Variants in SGK1 observed in about 807,000 individuals in gnomAD.
The protein encoded by SGK1 is serine/threonine-protein kinase Sgk1.
A neutral mutation model predicts 64.2 loss-of-function variants in SGK1; 26 were observed. The observed-to-expected ratio is 0.40, with a 90% CI of 0.30 to 0.56. The LOEUF (loss-of-function observed/expected upper bound fraction) is 0.56. Ranked by LOEUF, SGK1 falls within the 20% of genes least tolerant of loss-of-function variation. The pLI is 0.38. For synonymous variants in SGK1, 265 were observed against 239.7 expected (o/e 1.11, Z -0.98); for missense variants, 519 against 645.6 (o/e 0.80, Z 2.12).
intron 2 of SGK1, among the ~76,000 whole-genome samples, chr6:134,254,772 A>G (rs559289574): frequency 4.8e-4 from 73 of 152,202 alleles, no homozygotes; most frequent in Non-Finnish European, 7.6e-4. Context: ...AAGAAATACA[A>G]AGTTTAAAAA....
intron 3 of SGK1, among the ~76,000 whole-genome samples, chr6:134,205,413 G>A (rs986764572): frequency 7.9e-5 from 12 of 151,270 alleles, no homozygotes; most frequent in Admixed American, 7.2e-4. Context: ...TGTTTAGACC[G>A]TAAGTCTGGT....
chr6:134,275,620 T>G (rs1777007260), intron 1 of SGK1, among the ~76,000 whole-genome samples: 1 of 152,222 alleles, frequency 6.6e-6, no homozygotes. Context: ...TGAACTGATT[T>G]CATGAACCAC....
chr6:134,265,365 C>T (rs1293399669), intron 1 of SGK1, among the ~76,000 whole-genome samples: 1 of 151,778 alleles, frequency 6.6e-6, no homozygotes, highest in African/African-American at 2.4e-5. Context: ...GAGGCTGAGG[C>T]AGGAGAATCG....
At position 134,177,668 on chromosome 6, in the gene SGK1, A is replaced by G. The variant is rs373151808; in HGVS notation, c.362-3082T>C. On this transcript the variant is annotated intron_variant, in intron 3 of 13. Transcript: ENST00000367858. Reference sequence around the variant, plus strand: ...ATAGTACGGTAAGTACGAACCTTTCAAAGGGGGTTTTATAGCTTCTTCTTT... The same window carrying G: ...ATAGTACGGTAAGTACGAACCTTTCGAAGGGGGTTTTATAGCTTCTTCTTT... 70 of 1,613,670 alleles carry G rather than the reference A, an allele frequency of 4.3e-5. No homozygotes were observed. The African/African-American group carries it at 8.7e-4, about 20-fold the overall frequency.
At chr6:134,288,557 T>A (rs896125558) in intron 1 of SGK1, among the ~76,000 whole-genome samples, 9 of 152,302 alleles carry the variant, frequency 5.9e-5, no homozygotes, top group African/African-American at 2.2e-4. Flanking sequence ...CATTGGTTCA[T>A]CCTCAGAGGT....
At chr6:134,277,378 A>G (rs1255796953) in intron 1 of SGK1, among the ~76,000 whole-genome samples, 1 of 152,196 alleles carries the variant, frequency 6.6e-6, no homozygotes, top group Non-Finnish European at 1.5e-5. Flanking sequence ...GGAAATAAAA[A>G]TTAAAATGTA....
rs1049204357 is a variant in SGK1 at position 134,273,219 on chromosome 6, T to C, written c.70-11071A>G. Among the ~76,000 whole-genome samples, 2 of 147,350 alleles carry C rather than the reference T, an allele frequency of 1.4e-5. 1 individual carries two copies. The highest frequency in any genetic ancestry group is 4.8e-4 in the East Asian group (2 of 4,140). The stretch of plus-strand genomic sequence containing the variant: ...CTATTGTGGTTATGGCTTCATTCCA[T>C]GGAAAGAGTTTTATACAAAGGGCCA... On this transcript the variant is annotated intron_variant, in intron 1 of 13. Coordinates refer to ENST00000367858, the MANE Select transcript of SGK1 (RefSeq NM_001143676.3).
rs1776831134 is a variant in SGK1, at chr6:134,265,164, A to G, written c.70-3016T>C. 2.0e-5 allele frequency among the ~76,000 whole-genome samples: 3 copies of G among 152,222 alleles called. No individual in the cohort carries two copies. The South Asian group carries it at 6.2e-4, about 31-fold the overall frequency. On this transcript the variant is annotated intron_variant, in intron 1 of 13. Transcript: ENST00000367858. ...GCTATAATCACAAATGTAAAAACATATGTACTAACTATAGGCCGGGTGCAG... is the reference window on the plus strand; with the variant it reads ...GCTATAATCACAAATGTAAAAACATGTGTACTAACTATAGGCCGGGTGCAG...
rs183508406 is a variant in SGK1, at chr6:134,228,907, G to T, written c.286-21476C>A. On this transcript the variant is annotated intron_variant, in intron 2 of 13. Coordinates refer to ENST00000367858, the MANE Select transcript of SGK1 (RefSeq NM_001143676.3). ...CACCCAGGTGGGACTGCAGTGGCGCGATCTCCGTTCACTGCAAGCTCCGCC... is the reference window on the plus strand; with the variant it reads ...CACCCAGGTGGGACTGCAGTGGCGCTATCTCCGTTCACTGCAAGCTCCGCC... 5.3e-3 allele frequency among the ~76,000 whole-genome samples: 800 copies of T among 149,944 alleles called. 7 individuals carry two copies. The highest frequency in any genetic ancestry group is 6.0e-3 in the Non-Finnish European group (406 of 67,788).
intron 1 of SGK1, among the ~76,000 whole-genome samples, chr6:134,268,000 T>C (rs779998933): frequency 6.6e-6 from 1 of 152,232 alleles, no homozygotes; most frequent in Admixed American, 6.5e-5. Flanking sequence ...AAGTGATTTT[T>C]ACAGGCCCAA....
rs761389375 is a variant in SGK1 at position 134,170,055 on chromosome 6, AG to A, written c.*212del. The A allele has an allele frequency of 5.2e-6, 2 of 385,442 alleles. No individual in the cohort carries two copies. Among genetic ancestry groups the A allele is most frequent in the Non-Finnish European group, 4.7e-6 (1 of 212,716 alleles). The allele number at this position is 385,442 out of a possible 1,614,324, so 23.9% of individuals were successfully genotyped here. A position where few individuals can be genotyped will look rare whatever the true frequency, so the allele number is the denominator to read the frequency against. ...GTTTCAGAGATAGCACCACGTTGGA[AG>A]GAAGAATAAAAATGAAAACCTCATG... is the stretch of plus-strand genomic sequence containing the variant. On this transcript the variant is annotated 3_prime_UTR_variant, in exon 14 of 14. Coordinates refer to ENST00000367858, the MANE Select transcript of SGK1 (RefSeq NM_001143676.3).
chr6:134,183,301 T>G (rs1413115029), intron 3 of SGK1, among the ~76,000 whole-genome samples: 10 of 152,164 alleles, frequency 6.6e-5, no homozygotes, highest in Admixed American at 6.5e-4. Context: ...TTTCTTTGTG[T>G]TGAGAACATG....
rs779232021 is a variant in SGK1 at position 134,261,957 on chromosome 6, T to C, written c.261A>G (p.Ser87=). 10 of 1,613,602 alleles carry C rather than the reference T, an allele frequency of 6.2e-6. No homozygotes were observed. Among genetic ancestry groups the C allele is most frequent in the Non-Finnish European group, 8.5e-6 (10 of 1,179,516 alleles). The change falls in exon 2 of 14, where the codon TCA becomes TCG. Residue 87 remains serine, a synonymous_variant. Transcript: ENST00000367858. ...GVLPQENESC[S]WETQSGCEVR... ...CTTCACACCCAGATTGAGTTTCCCA[T>C]GAACATGACTCGTTCTCCTGAGGGA...
chr6:134,232,059 A>G (rs1317100289), intron 2 of SGK1, among the ~76,000 whole-genome samples: 1 of 149,728 alleles, frequency 6.7e-6, no homozygotes, highest in Non-Finnish European at 1.5e-5. Flanking sequence ...AAAAAATACT[A>G]TGGAGAAACA....
At chr6:134,285,638 A>AT (rs1421945007) in intron 1 of SGK1, among the ~76,000 whole-genome samples, 1 of 150,662 alleles carries the variant, frequency 6.6e-6, no homozygotes, top group African/African-American at 2.4e-5. Context: ...GATGCTGAGC[A>AT]TTTTTTTCAT....
chr6:134,220,074 A>G (rs1405026323), intron 2 of SGK1, among the ~76,000 whole-genome samples: 2 of 146,030 alleles, frequency 1.4e-5, no homozygotes, highest in Admixed American at 7.1e-5. Flanking sequence ...AAAAAAAAAA[A>G]AAAAAAAAAA....
At chr6:134,312,294 C>T (rs559448263) in intron 1 of SGK1, among the ~76,000 whole-genome samples, 4 of 152,224 alleles carry the variant, frequency 2.6e-5, no homozygotes, top group South Asian at 2.1e-4. Flanking sequence ...GAGAAGACAT[C>T]GAAAGTTTCC....
At chr6:134,189,586 C>T (rs1278295979) in intron 3 of SGK1, among the ~76,000 whole-genome samples, 1 of 152,090 alleles carries the variant, frequency 6.6e-6, no homozygotes, top group Non-Finnish European at 1.5e-5. Flanking sequence ...AGACTATTTC[C>T]ATCAATTAGT....
intron 2 of SGK1, chr6:134,218,731 C>T (rs1776029898): frequency 6.6e-6 from 1 of 152,146 alleles, no homozygotes; most frequent in Non-Finnish European, 1.5e-5. Context: ...CCACTGCACC[C>T]GGTCAGAACT....
Sources: allele counts gnomAD v4.1 joint callset (sites outside exome capture counted in the v4.1 genomes callset), GRCh38; gene constraint gnomAD v4.1.1; transcripts MANE v1.5; gene names NCBI Gene and HGNC (gene_info 2026-07-23, HGNC 2026-07-21).